The following DRC10 variants were observed in gnomAD, a reference collection of about 807,000 sequenced individuals.
The protein encoded by DRC10 is dynein regulatory complex subunit 10.
chr12:113,212,610 C>A, the DRC10 span, among the ~76,000 whole-genome samples: 1 of 152,126 alleles, frequency 6.6e-6, no homozygotes, highest in Admixed American at 6.6e-5. Flanking sequence ...TGCTTTCAGC[C>A]AAATTACCTC....
the DRC10 span, among the ~76,000 whole-genome samples, chr12:113,201,906 A>G: frequency 6.6e-6 from 1 of 152,230 alleles, no homozygotes; most frequent in Admixed American, 6.5e-5. Context: ...CTCTCCCTGT[A>G]GACTCCCCAC....
the DRC10 span, chr12:113,200,098 C>T: frequency 3.3e-6 from 1 of 300,232 alleles, no homozygotes; most frequent in South Asian, 2.8e-5. Context: ...TCTCTCACTA[C>T]CATCTCATGT....
At chr12:113,208,806 C>T in the DRC10 span, among the ~76,000 whole-genome samples, 1 of 152,218 alleles carries the variant, frequency 6.6e-6, no homozygotes, top group South Asian at 2.1e-4. Context: ...AACTGACAAG[C>T]AGCCTGGGCG....
At chr12:113,195,887 C>A in the DRC10 span, 1 of 1,601,326 alleles carries the variant, frequency 6.2e-7, no homozygotes, top group East Asian at 2.2e-5. Flanking sequence ...CCTCCAACTC[C>A]TCCTGGGGTG....
At chr12:113,195,794 CG>C in the DRC10 span, 8 of 1,613,928 alleles carry the variant, frequency 5.0e-6, no homozygotes, top group Admixed American at 1.2e-4. Flanking sequence ...CCCGGATCTG[CG>C]CAAACTCTCC....
the DRC10 span, among the ~76,000 whole-genome samples, chr12:113,210,859 TTAC>T: frequency 6.6e-6 from 1 of 152,188 alleles, no homozygotes; most frequent in East Asian, 1.9e-4. Flanking sequence ...AAGCTGTAAG[TTAC>T]TACTTACAGG....
At chr12:113,201,491 G>C in the DRC10 span, among the ~76,000 whole-genome samples, 1 of 152,216 alleles carries the variant, frequency 6.6e-6, no homozygotes, top group Non-Finnish European at 1.5e-5. Context: ...TCCTCCTGGG[G>C]ACACAGCAGG....
At chr12:113,207,296 C>T in the DRC10 span, 10 of 763,120 alleles carry the variant, frequency 1.3e-5, no homozygotes, top group East Asian at 2.5e-5. Flanking sequence ...TGCAGTGAGT[C>T]GAGATTACAC....
chr12:113,196,352 A>G, the DRC10 span, among the ~76,000 whole-genome samples: 1 of 152,108 alleles, frequency 6.6e-6, no homozygotes, highest in Non-Finnish European at 1.5e-5. Flanking sequence ...CTGTTCCACA[A>G]GACACCAGAG....
At chr12:113,207,696 T>C in the DRC10 span, 7 of 1,613,974 alleles carry the variant, frequency 4.3e-6, no homozygotes, top group Non-Finnish European at 5.9e-6. Flanking sequence ...TGAGCAAGAG[T>C]CTAAGGACGT....
At chr12:113,196,263 G>T in the DRC10 span, among the ~76,000 whole-genome samples, 3 of 152,162 alleles carry the variant, frequency 2.0e-5, no homozygotes, top group African/African-American at 7.2e-5. Context: ...TAAATGACCC[G>T]ATGGACACAA....
the DRC10 span, chr12:113,200,551 C>T: frequency 1.2e-5 from 18 of 1,440,482 alleles, no homozygotes; most frequent in Middle Eastern, 1.0e-3. Context: ...GGGGCCCCCT[C>T]GGCCCATCCT....
At chr12:113,217,022 T>C in the DRC10 span, among the ~76,000 whole-genome samples, 1 of 152,024 alleles carries the variant, frequency 6.6e-6, no homozygotes, top group Non-Finnish European at 1.5e-5. Flanking sequence ...CCAAGAGGCG[T>C]AGGTTGCAGT....
At chr12:113,217,880 C>T in the DRC10 span, among the ~76,000 whole-genome samples, 1 of 152,142 alleles carries the variant, frequency 6.6e-6, no homozygotes, top group East Asian at 1.9e-4. Context: ...TGGGATCATG[C>T]AGTATGTAAT....
At chr12:113,203,529 A>G in the DRC10 span, among the ~76,000 whole-genome samples, 18 of 138,096 alleles carry the variant, frequency 1.3e-4, no homozygotes, top group African/African-American at 3.5e-4. Flanking sequence ...AGGCTGGAGT[A>G]TGATGGTGCA....
chr12:113,200,500 C>T, the DRC10 span: 212 of 1,106,594 alleles, frequency 1.9e-4, no homozygotes, highest in African/African-American at 2.9e-3. Flanking sequence ...ACTGCTGGAC[C>T]TCCAGGAGTG....
the DRC10 span, chr12:113,195,781 C>G: frequency 6.2e-7 from 1 of 1,614,034 alleles, no homozygotes; most frequent in Non-Finnish European, 8.5e-7. Flanking sequence ...ATCTCCCGCT[C>G]TTCCCGGATC....
the DRC10 span, chr12:113,207,910 T>C: frequency 1.2e-6 from 2 of 1,614,072 alleles, no homozygotes; most frequent in Non-Finnish European, 1.7e-6. Flanking sequence ...CCTCATGACG[T>C]CCTCCCCCAG....
the DRC10 span, among the ~76,000 whole-genome samples, chr12:113,211,349 C>T: frequency 6.6e-6 from 1 of 152,102 alleles, no homozygotes; most frequent in South Asian, 2.1e-4. Flanking sequence ...CTCACCAAAC[C>T]AAAGAACACA....
Sources: allele counts gnomAD v4.1 joint callset (sites outside exome capture counted in the v4.1 genomes callset), GRCh38; gene constraint gnomAD v4.1.1; transcripts MANE v1.5; gene names NCBI Gene and HGNC (gene_info 2026-07-23, HGNC 2026-07-21).